Variants in AP2A2 observed in about 807,000 individuals in gnomAD.
AP2A2 encodes the protein AP-2 complex subunit alpha-2.
Under a neutral mutation model 104.2 loss-of-function variants are expected in AP2A2, and 32 were observed. The observed-to-expected ratio is 0.31, with a 90% CI of 0.23 to 0.41. The LOEUF (loss-of-function observed/expected upper bound fraction) is 0.41. Among genes scored for constraint, AP2A2 ranks in the 10% least tolerant of loss-of-function variants. The pLI, the probability that AP2A2 is intolerant of heterozygous loss-of-function variation, is 1.00. For synonymous variants in AP2A2, 539 were observed against 533.3 expected, an observed-to-expected ratio of 1.01 and a Z score of -0.15; for missense variants, 912 against 1,261.0, an observed-to-expected ratio of 0.72 and a Z score of 4.19.
Position 968,452 on chromosome 11 carries a change from C to A in AP2A2, c.137-1717C>A, listed in dbSNP as rs1329055445. Among the ~76,000 whole-genome samples the A allele has an allele frequency of 6.6e-6, 1 of 152,156 alleles. No homozygotes were observed. The highest frequency in any genetic ancestry group is 1.5e-5 in the Non-Finnish European group (1 of 68,028). On this transcript the variant is annotated intron_variant, in intron 2 of 21. Coordinates refer to ENST00000448903, the MANE Select transcript of AP2A2 (RefSeq NM_012305.4). The surrounding 1 kb of genome is among the most constrained non-coding windows in gnomAD (Gnocchi z 4.2). ...CCTGTTCCCATCCCCGTCTCCATCC[C>A]CGTCCCCATCCCTGTCCCACAAAAC...
At chr11:1,002,754 T>C in intron 15 of AP2A2, among the ~76,000 whole-genome samples, 1 of 152,266 alleles carries the variant, frequency 6.6e-6, no homozygotes, top group Non-Finnish European at 1.5e-5. Flanking sequence ...GTGGCAGCTG[T>C]GGTGCAGTTA....
chr11:1,001,249 T>G (rs940021711), intron 15 of AP2A2: 2 of 152,744 alleles, frequency 1.3e-5, no homozygotes, highest in Non-Finnish European at 2.9e-5. Flanking sequence ...CTGACCACTT[T>G]CCCCCGCACG....
rs567591004 is a variant in AP2A2, at chr11:931,990, A to G, written c.67+5902A>G. On this transcript the variant is annotated intron_variant, in intron 1 of 21. Coordinates refer to ENST00000448903, the MANE Select transcript of AP2A2 (RefSeq NM_012305.4). ...ATTTTTTGTATTTTTTAGTAGAGAC[A>G]GGGTTTCACTGTATTAGCCAGGATG... 1.6e-3 allele frequency among the ~76,000 whole-genome samples: 249 copies of G among 151,588 alleles called. 1 individual carries two copies. Among genetic ancestry groups the G allele is most frequent in the Non-Finnish European group, 3.1e-3 (210 of 67,860 alleles).
rs1467306692 is a variant in AP2A2 at position 968,442 on chromosome 11, G to A, written c.137-1727G>A. 2.3e-5 allele frequency among the ~76,000 whole-genome samples: 1 copy of A among 43,666 alleles called. No homozygotes were observed. Among genetic ancestry groups the A allele is most frequent in the African/African-American group, 5.7e-5 (1 of 17,534 alleles). 28.6% of individuals were successfully genotyped at this position (43,666 alleles called of 152,430 possible). ...CGTCTCCGCCCCTGTTCCCATCCCCGTCTCCATCCCCGTCCCCATCCCTGT... is the reference window on the plus strand; with the variant it reads ...CGTCTCCGCCCCTGTTCCCATCCCCATCTCCATCCCCGTCCCCATCCCTGT... On this transcript the variant is annotated intron_variant, in intron 2 of 21. Transcript: ENST00000448903. This position sits in a 1 kb window ranked among gnomAD's most constrained non-coding sequence, Gnocchi z 4.2.
In AP2A2 at chr11:1,009,321, C is replaced by A. The variant is rs776965638; in HGVS notation, c.2538-7C>A. Reference sequence around the variant, plus strand: ...CTGAGAACACTCGCCTTTGCTGTTTCTCACAGTCCACAGCAGGAAGTGCAG... The same window carrying A: ...CTGAGAACACTCGCCTTTGCTGTTTATCACAGTCCACAGCAGGAAGTGCAG... On this transcript the variant is annotated splice_region_variant and splice_polypyrimidine_tract_variant and intron_variant, in intron 19 of 21. Transcript: ENST00000448903. 1.9e-6 allele frequency: 3 copies of A among 1,613,458 alleles called. No homozygotes were observed. Among genetic ancestry groups the A allele is most frequent in the Non-Finnish European group, 2.5e-6 (3 of 1,179,676 alleles).
intron 1 of AP2A2, among the ~76,000 whole-genome samples, chr11:946,109 C>A (rs896408784): frequency 1.3e-5 from 2 of 152,186 alleles, no homozygotes; most frequent in Non-Finnish European, 2.9e-5. Flanking sequence ...CAAAAATGGT[C>A]AAAATCAACT....
chr11:978,515 G>C (rs552217088), intron 5 of AP2A2, among the ~76,000 whole-genome samples: 1 of 152,310 alleles, frequency 6.6e-6, no homozygotes, highest in African/African-American at 2.4e-5. Flanking sequence ...CCAGGCACTT[G>C]AGTCAGCATA....
rs1351757104 is a variant in AP2A2 at position 968,692 on chromosome 11, C to T, written c.137-1477C>T. 2.0e-5 allele frequency among the ~76,000 whole-genome samples: 3 copies of T among 151,444 alleles called. No homozygotes were observed. The highest frequency in any genetic ancestry group is 4.4e-5 in the Non-Finnish European group (3 of 67,910). ...AGTGGAGGATCTCTGCTGCGCAGCC[C>T]GTGCTCAGCTGTGTGTGCCCTCCTG... On this transcript the variant is annotated intron_variant, in intron 2 of 21. Transcript: ENST00000448903. The surrounding 1 kb of genome is among the most constrained non-coding windows in gnomAD (Gnocchi z 4.2).
intron 1 of AP2A2, chr11:933,580 G>A (rs571972031): frequency 1.0e-4 from 46 of 456,258 alleles, no homozygotes; most frequent in African/African-American, 8.0e-5. Context: ...TGGCCAAGAC[G>A]CATAGAAGAA....
intron 5 of AP2A2, among the ~76,000 whole-genome samples, chr11:979,935 T>A (rs1000280933): frequency 1.5e-4 from 23 of 152,334 alleles, no homozygotes; most frequent in South Asian, 1.4e-3. Context: ...TTATATTTTT[T>A]AAAAAAATTT....
intron 1 of AP2A2, among the ~76,000 whole-genome samples, chr11:942,073 C>T (rs888279297): frequency 1.1e-4 from 17 of 151,336 alleles, no homozygotes; most frequent in African/African-American, 3.6e-4. Context: ...ACTACAGGCG[C>T]CCACCACCAT....
At position 926,058 on chromosome 11, in the gene AP2A2, C is replaced by T. The variant is rs1413284748; in HGVS notation, c.37C>T (p.Leu13=). 2.9e-6 allele frequency: 4 copies of T among 1,379,648 alleles called. No homozygotes were observed. The Admixed American group carries it at 1.1e-4, about 39-fold the overall frequency. The allele number at this position is 1,379,648 out of a possible 1,614,324, so 85.5% of individuals were successfully genotyped here. Reference sequence around the variant, plus strand: ...GTCCAAGGGGGACGGGATGCGGGGCCTGGCGGTCTTCATCTCGGATATCCG... The same window carrying T: ...GTCCAAGGGGGACGGGATGCGGGGCTTGGCGGTCTTCATCTCGGATATCCG... ...AVSKGDGMRG[L]AVFISDIRNC... The change falls in exon 1 of 22, where the codon CTG becomes TTG. Residue 13 remains leucine (L), a synonymous_variant. Transcript: ENST00000448903.
At chr11:966,280 C>T (rs1277562808) in intron 2 of AP2A2, among the ~76,000 whole-genome samples, 1 of 152,188 alleles carries the variant, frequency 6.6e-6, no homozygotes, top group African/African-American at 2.4e-5. Context: ...ATCACTTAAG[C>T]TCAGGAGTTC....
intron 5 of AP2A2, among the ~76,000 whole-genome samples, chr11:978,669 A>G (rs773684712): frequency 1.7e-4 from 26 of 152,134 alleles, no homozygotes; most frequent in Non-Finnish European, 2.9e-4. Flanking sequence ...TTGTGTGGCC[A>G]TGGCTTTTGT....
intron 1 of AP2A2, among the ~76,000 whole-genome samples, chr11:950,944 T>C (rs1002086623): frequency 2.0e-5 from 3 of 151,558 alleles, no homozygotes; most frequent in Admixed American, 2.0e-4. Flanking sequence ...ATACAAAAAT[T>C]AACTGGGTGT....
At chr11:985,382 G>C in intron 7 of AP2A2, 53 bp from the exon 8 acceptor site, 1 of 1,578,812 alleles carries the variant, frequency 6.3e-7, no homozygotes, top group Non-Finnish European at 8.6e-7. Flanking sequence ...GAGGGGCAGG[G>C]TGGGCTGCGG....
At chr11:935,291 T>C (rs975235397) in intron 1 of AP2A2, among the ~76,000 whole-genome samples, 3 of 152,140 alleles carry the variant, frequency 2.0e-5, no homozygotes, top group Non-Finnish European at 4.4e-5. Context: ...TCTCTTGACC[T>C]TGTGATCCGC....
intron 1 of AP2A2, among the ~76,000 whole-genome samples, chr11:950,455 T>A (rs959123542): frequency 1.9e-4 from 29 of 152,118 alleles, no homozygotes; most frequent in African/African-American, 7.0e-4. Flanking sequence ...GCCACAGGCC[T>A]GCACCACCAT....
intron 1 of AP2A2, chr11:933,569 C>A (rs535407328): frequency 2.2e-6 from 1 of 456,058 alleles, no homozygotes; most frequent in Non-Finnish European, 4.4e-6. Flanking sequence ...TTGTAAGGGT[C>A]TGGCCAAGAC....
Sources: allele counts gnomAD v4.1 joint callset (sites outside exome capture counted in the v4.1 genomes callset), GRCh38; gene constraint gnomAD v4.1.1; non-coding constraint Gnocchi (gnomAD v3.1); transcripts MANE v1.5; gene names NCBI Gene and HGNC (gene_info 2026-07-23, HGNC 2026-07-21).